The following SPRYD3 variants were observed in gnomAD, a reference collection of about 807,000 sequenced individuals.
The protein encoded by SPRYD3 is SPRY domain-containing protein 3.
A neutral mutation model predicts 50.1 loss-of-function variants in SPRYD3; 17 were observed. The observed-to-expected ratio is 0.34, with a 90% CI of 0.23 to 0.51. SPRYD3 has a LOEUF of 0.51. Ranked by LOEUF, SPRYD3 falls within the 20% of genes least tolerant of loss-of-function variation. The probability of loss-of-function intolerance (pLI) is 0.97; values close to 1 mark genes in which losing one functional copy is unlikely to be tolerated. For missense variants in SPRYD3, 401 were observed against 591.2 expected (o/e 0.68, Z 3.34); for synonymous variants, 198 against 215.5 (o/e 0.92, Z 0.71).
chr12:53,078,640 G>A (rs886377095), intron 1 of SPRYD3, among the ~76,000 whole-genome samples: 1 of 152,176 alleles, frequency 6.6e-6, no homozygotes, highest in African/African-American at 2.4e-5. Context: ...CCACTAAGTC[G>A]GTAGCAGCGC....
At position 53,079,329 on chromosome 12, in the gene SPRYD3, C is replaced by G; in HGVS notation, c.5G>C (p.Arg2Thr). The G allele has an allele frequency of 6.2e-7, 1 of 1,609,072 alleles. No homozygotes were observed. Among genetic ancestry groups the G allele is most frequent in the Non-Finnish European group, 8.5e-7 (1 of 1,178,040 alleles). M[R>T]RTRRPRFVLM... is the part of the protein sequence containing the mutation. ...CGCCTACCGGGGCCGCCGCGTCCTC[C>G]TCATCCATAGGCCTCTCAGCTCCGC... Residue 2 changes from arginine to threonine, a missense_variant, in exon 1 of 11, where the codon AGG (arginine) becomes ACG (threonine). Arg to Thr is a moderately conservative substitution (Grantham distance 71). Coordinates refer to ENST00000301463, the MANE Select transcript of SPRYD3 (RefSeq NM_032840.3).
rs551345805 is a variant in SPRYD3, at chr12:53,067,921, C to A, written c.844-216G>T. Among the ~76,000 whole-genome samples the A allele has an allele frequency of 2.0e-5, 3 of 152,226 alleles. No homozygotes were observed. The South Asian group carries it at 6.2e-4, about 32-fold the overall frequency. On this transcript the variant is annotated intron_variant, in intron 7 of 10. Coordinates refer to ENST00000301463, the MANE Select transcript of SPRYD3 (RefSeq NM_032840.3). ...AGGCCAGAGCCATGGCATGTCCCAC[C>A]CCCTCCCCCCAGGCCTTAGTGTGTG...
intron 5 of SPRYD3, among the ~76,000 whole-genome samples, 159 bp from the exon 6 acceptor site, chr12:53,073,630 G>A (rs945907607): frequency 2.0e-5 from 3 of 151,864 alleles, no homozygotes; most frequent in African/African-American, 4.8e-5. Flanking sequence ...GGATCACAAG[G>A]TCAGGAGATT....
Position 53,068,260 on chromosome 12 carries a change from C to A in SPRYD3, c.738G>T (p.Gly246=), listed in dbSNP as rs747643859. The A allele has an allele frequency of 6.2e-7, 1 of 1,614,198 alleles. No individual in the cohort carries two copies. The highest frequency in any genetic ancestry group is 1.1e-5 in the South Asian group (1 of 91,092). ...TGAGTGGGTGCCGGGCCTGGGCCAG[C>A]CCCACATCCACGATGCTTTTGCCCT... ...LGKGKSIVDV[G]LAQARHPLST... is the part of the protein sequence containing the mutation. The change falls in exon 7 of 11, where the codon GGG becomes GGT. Residue 246 remains glycine, a synonymous_variant. Coordinates refer to ENST00000301463, the MANE Select transcript of SPRYD3 (RefSeq NM_032840.3).
Position 53,066,100 on chromosome 12 carries a change from T to TG in SPRYD3, c.1195-135dup. ...CTGGAGAGGGGCAGTTAAGGTGTTA[T>TG]GGGAAGTGACCACCAGAGGGCGTGC... On this transcript the variant is annotated intron_variant, in intron 10 of 10. Transcript: ENST00000301463. 3 of 1,372,494 alleles carry TG rather than the reference T, an allele frequency of 2.2e-6. No homozygotes were observed. The South Asian group carries it at 4.1e-5, about 19-fold the overall frequency. The allele number at this position is 1,372,494 out of a possible 1,614,324, so 85.0% of individuals were successfully genotyped here. A position where few individuals can be genotyped will look rare whatever the true frequency, so the allele number is the denominator to read the frequency against.
chr12:53,069,412 C>A (rs895086453), intron 6 of SPRYD3, among the ~76,000 whole-genome samples: 6 of 152,192 alleles, frequency 3.9e-5, no homozygotes, highest in Admixed American at 2.6e-4. Context: ...TTATGCCCAC[C>A]TGCACCAGCA....
chr12:53,066,099 A>G (rs768150778), intron 10 of SPRYD3, 133 bp from the exon 11 acceptor site: 15 of 1,369,252 alleles, frequency 1.1e-5, no homozygotes, highest in Non-Finnish European at 1.4e-5. Flanking sequence ...TTAAGGTGTT[A>G]TGGGAAGTGA....
At chr12:53,066,086 C>A in intron 10 of SPRYD3, 120 bp from the exon 11 acceptor site, 1 of 1,418,366 alleles carries the variant, frequency 7.1e-7, no homozygotes, top group Non-Finnish European at 9.6e-7. Context: ...TGGAGAGGGG[C>A]AGTTAAGGTG....
In SPRYD3 at chr12:53,075,088, A is replaced by AAC; in HGVS notation, c.371+5_371+6dup. ...AAAAGGGCCGGGTTGCACAGGAGCC[A>AAC]ACTCACTTGCCATCATCAGCATGGT... On this transcript the variant is annotated splice_region_variant and intron_variant, in intron 4 of 10. Transcript: ENST00000301463. The AAC allele has an allele frequency of 6.2e-7, 1 of 1,610,352 alleles. No homozygotes were observed. Among genetic ancestry groups the AAC allele is most frequent in the Non-Finnish European group, 8.5e-7 (1 of 1,176,794 alleles).
intron 9 of SPRYD3, 36 bp from the exon 10 acceptor site, chr12:53,066,522 T>C (rs781590527): frequency 1.9e-6 from 3 of 1,614,014 alleles, no homozygotes; most frequent in Non-Finnish European, 2.5e-6. Flanking sequence ...CTGTGGTGCC[T>C]TTCCACCCTC....
chr12:53,078,210 T>C (rs777093385), intron 1 of SPRYD3: 16 of 386,856 alleles, frequency 4.1e-5, no homozygotes, highest in South Asian at 2.6e-4. Context: ...GCCATGATCC[T>C]GGGCCTGGTG....
chr12:53,079,174 G>A, intron 1 of SPRYD3, 137 bp downstream of exon 1: 1 of 920,082 alleles, frequency 1.1e-6, no homozygotes. Context: ...CGAGGGTGCA[G>A]CAACAGAAGA....
intron 3 of SPRYD3, 137 bp from the exon 4 acceptor site, chr12:53,075,356 T>A: frequency 2.2e-6 from 2 of 893,862 alleles, no homozygotes; most frequent in Non-Finnish European, 3.4e-6. Context: ...GGAAAAAAGA[T>A]AAGATACTCA....
At position 53,074,909 on chromosome 12, in the gene SPRYD3, G is replaced by T; in HGVS notation, c.372-125C>A. On this transcript the variant is annotated intron_variant, in intron 4 of 10. Coordinates refer to ENST00000301463, the MANE Select transcript of SPRYD3 (RefSeq NM_032840.3). The surrounding 1 kb of genome is among the most constrained non-coding windows in gnomAD (Gnocchi z 4.6). Reference sequence around the variant, plus strand: ...TCATTCTGTGATGGTACCCACTTACGTCCTGGCGTGAGCATCACCCTCCTC... The same window carrying T: ...TCATTCTGTGATGGTACCCACTTACTTCCTGGCGTGAGCATCACCCTCCTC... 1 of 1,381,682 alleles carries T rather than the reference G, an allele frequency of 7.2e-7. No homozygotes were observed. Among genetic ancestry groups the T allele is most frequent in the Non-Finnish European group, 1.0e-6 (1 of 987,702 alleles). The allele number at this position is 1,381,682 out of a possible 1,614,324, so 85.6% of individuals were successfully genotyped here.
intron 6 of SPRYD3, among the ~76,000 whole-genome samples, chr12:53,070,959 ACT>A (rs1170590624): frequency 6.6e-6 from 1 of 152,114 alleles, no homozygotes; most frequent in Non-Finnish European, 1.5e-5. Context: ...CAAAGACATG[ACT>A]CAGTGCCACA....
chr12:53,073,256 G>GCCCCGGGGGGGGGGGCCC, intron 6 of SPRYD3, 30 bp downstream of exon 6: 1 of 424,134 alleles, frequency 2.4e-6, no homozygotes, highest in East Asian at 3.8e-5. Flanking sequence ...CTCCGACCCA[G>GCCCCGGGGGGGGGGGCCC]CCCCTCCCAC....
At chr12:53,073,256 G>GCCCCCGGGGGGGGGGGGGGGGCCCCCCCC in intron 6 of SPRYD3, 30 bp downstream of exon 6, 2 of 424,134 alleles carry the variant, frequency 4.7e-6, no homozygotes, top group Non-Finnish European at 8.8e-6. Context: ...CTCCGACCCA[G>GCCCCCGGGGGGGGGGGGGGGGCCCCCCCC]CCCCTCCCAC....
In SPRYD3 at chr12:53,074,527, AG is replaced by A; in HGVS notation, c.507+121del. ...GGAGAATCTGAGGCTGGACTGGAGGAGATGGGAACTCAGTGCAAGGGTCCCT... is the reference window on the plus strand; with the variant it reads ...GGAGAATCTGAGGCTGGACTGGAGGAATGGGAACTCAGTGCAAGGGTCCCT... On this transcript the variant is annotated intron_variant, in intron 5 of 10. Coordinates refer to ENST00000301463, the MANE Select transcript of SPRYD3 (RefSeq NM_032840.3). This position sits in a 1 kb window ranked among gnomAD's most constrained non-coding sequence, Gnocchi z 4.6. The A allele has an allele frequency of 8.6e-7, 1 of 1,158,886 alleles. No homozygotes were observed. Among genetic ancestry groups the A allele is most frequent in the Non-Finnish European group, 1.3e-6 (1 of 788,864 alleles). 71.8% of individuals were successfully genotyped at this position (1,158,886 alleles called of 1,614,324 possible).
intron 10 of SPRYD3, 97 bp downstream of exon 10, chr12:53,066,217 T>G: frequency 6.5e-7 from 1 of 1,543,754 alleles, no homozygotes; most frequent in Non-Finnish European, 8.8e-7. Flanking sequence ...GAGCTTCCCG[T>G]CTTTCCCACC....
Sources: gnomAD v4.1 joint callset for allele counts (sites outside exome capture counted in the v4.1 genomes callset) on GRCh38, gnomAD v4.1.1 for gene constraint, Gnocchi (gnomAD v3.1) non-coding constraint, MANE v1.5 for transcripts, NCBI Gene and HGNC (gene_info 2026-07-23, HGNC 2026-07-21) for gene names.